LINGO2: variants seen among roughly 807,000 people sequenced by gnomAD.
LINGO2 encodes leucine rich repeat and Ig domain containing 2, also known as leucine-rich repeat and immunoglobulin-like domain-containing nogo receptor-interacting protein 2.
A neutral mutation model predicts 30.6 loss-of-function variants in LINGO2; 14 were observed. That is an observed-to-expected ratio of 0.46 (90% CI 0.30 to 0.72). The LOEUF (loss-of-function observed/expected upper bound fraction) is 0.72. Among genes scored for constraint, LINGO2 ranks in the 30% least tolerant of loss-of-function variants. LINGO2 has a pLI of 0.07. For missense variants in LINGO2, 729 were observed against 751.7 expected (o/e 0.97, Z 0.35); for synonymous variants, 317 against 288.5 (o/e 1.10, Z -1.00).
In LINGO2 at chr9:28,050,041, A is replaced by G. The variant is rs1233543265; in HGVS notation, c.-86-37636T>C. On this transcript the variant is annotated intron_variant, in intron 4 of 5. Coordinates refer to ENST00000379992, the Ensembl canonical transcript of LINGO2. ...CTGAAGCAGGAATGGAAATGAGGAA[A>G]TGGTTGGAGAAATATTCATCAGGTA... Among the ~76,000 whole-genome samples the G allele has an allele frequency of 2.0e-5, 3 of 150,694 alleles. 1 individual carries two copies. Among genetic ancestry groups the G allele is most frequent in the Non-Finnish European group, 1.5e-5 (1 of 67,858 alleles).
chr9:28,109,604 G>A (rs1202702119), intron 4 of LINGO2, among the ~76,000 whole-genome samples: 1 of 152,028 alleles, frequency 6.6e-6, no homozygotes, highest in Admixed American at 6.6e-5. Flanking sequence ...ACCAACAATG[G>A]ACAAGCAGAG....
At chr9:28,976,313 T>C in the LINGO2 span, among the ~76,000 whole-genome samples, 1 of 152,160 alleles carries the variant, frequency 6.6e-6, no homozygotes, top group Admixed American at 6.6e-5. Flanking sequence ...GCTATACTTT[T>C]CTCTTTGTGC....
chr9:28,102,207 T>C (rs970847784), intron 4 of LINGO2, among the ~76,000 whole-genome samples: 3 of 151,356 alleles, frequency 2.0e-5, no homozygotes, highest in Admixed American at 6.6e-5. Context: ...ATATTTCTGG[T>C]GGGACTATGG....
intron 3 of LINGO2, among the ~76,000 whole-genome samples, chr9:28,361,561 C>A (rs1167228452): frequency 6.6e-6 from 1 of 151,960 alleles, no homozygotes; most frequent in Non-Finnish European, 1.5e-5. Context: ...CCAGATCACA[C>A]AATTCCCTAA....
chr9:28,325,208 T>C (rs902920059), intron 3 of LINGO2, among the ~76,000 whole-genome samples: 4 of 152,234 alleles, frequency 2.6e-5, no homozygotes, highest in South Asian at 2.1e-4. Flanking sequence ...CCTTAGGGCA[T>C]TTATATTAGA....
intron 4 of LINGO2, among the ~76,000 whole-genome samples, chr9:28,024,633 C>A (rs942780037): frequency 1.3e-5 from 2 of 152,102 alleles, no homozygotes; most frequent in African/African-American, 4.8e-5. Context: ...CCTCCAACTG[C>A]CTTATGCTTG....
At chr9:28,612,206 C>T (rs1171835335) in intron 1 of LINGO2, among the ~76,000 whole-genome samples, 1 of 152,092 alleles carries the variant, frequency 6.6e-6, no homozygotes, top group Non-Finnish European at 1.5e-5. Flanking sequence ...AGACTACAGG[C>T]TTGTGTTACC....
chr9:28,300,254 T>C (rs1048469789), intron 3 of LINGO2, among the ~76,000 whole-genome samples: 3 of 152,120 alleles, frequency 2.0e-5, no homozygotes, highest in Admixed American at 2.0e-4. Context: ...TATGTGTAGC[T>C]ACATTATTAG....
At chr9:28,995,091 A>C in the LINGO2 span, among the ~76,000 whole-genome samples, 52 of 151,996 alleles carry the variant, frequency 3.4e-4, no homozygotes, top group South Asian at 6.2e-4. Flanking sequence ...CAACCTACAA[A>C]ATGGGAGAAA....
At chr9:28,723,937 C>G in the LINGO2 span, among the ~76,000 whole-genome samples, 1 of 151,974 alleles carries the variant, frequency 6.6e-6, no homozygotes, top group Non-Finnish European at 1.5e-5. Flanking sequence ...AAAAAATTAA[C>G]AAGATGAGCT....
At chr9:28,119,678 T>C (rs938182775) in intron 4 of LINGO2, among the ~76,000 whole-genome samples, 5 of 152,176 alleles carry the variant, frequency 3.3e-5, no homozygotes, top group Non-Finnish European at 5.9e-5. Flanking sequence ...TCCAGATTTA[T>C]AATTTTAGAG....
At chr9:29,180,355 G>A in the LINGO2 span, among the ~76,000 whole-genome samples, 125 of 152,246 alleles carry the variant, frequency 8.2e-4, no homozygotes, top group African/African-American at 2.7e-3. Context: ...AGTTTCCCAC[G>A]TTATACATGC....
the LINGO2 span, among the ~76,000 whole-genome samples, chr9:28,683,854 A>T: frequency 6.6e-6 from 1 of 152,182 alleles, no homozygotes. Flanking sequence ...GTAGATGCTC[A>T]TTAGATATTA....
intron 2 of LINGO2, among the ~76,000 whole-genome samples, chr9:28,425,107 A>G (rs1485877812): frequency 6.6e-6 from 1 of 151,628 alleles, no homozygotes; most frequent in Non-Finnish European, 1.5e-5. Context: ...TACATAATTA[A>G]TACATAATTT....
intron 4 of LINGO2, among the ~76,000 whole-genome samples, chr9:28,294,910 G>T (rs1823868981): frequency 6.6e-6 from 1 of 152,118 alleles, no homozygotes; most frequent in South Asian, 2.1e-4. Flanking sequence ...AACTGTTTAT[G>T]CCATTAGAGT....
chr9:29,025,969 T>A, the LINGO2 span, among the ~76,000 whole-genome samples: 1 of 152,108 alleles, frequency 6.6e-6, no homozygotes, highest in Non-Finnish European at 1.5e-5. Flanking sequence ...TATGACAGGA[T>A]TTTACTCTTT....
the LINGO2 span, among the ~76,000 whole-genome samples, chr9:28,959,304 G>T: frequency 6.6e-6 from 1 of 152,016 alleles, no homozygotes; most frequent in African/African-American, 2.4e-5. Flanking sequence ...ATAGTCTATT[G>T]TCTCATAAGA....
intron 1 of LINGO2, among the ~76,000 whole-genome samples, chr9:28,648,843 A>T (rs940938440): frequency 2.6e-5 from 4 of 152,172 alleles, no homozygotes; most frequent in Non-Finnish European, 5.9e-5. Flanking sequence ...AGGATCTACC[A>T]GAATGTACCT....
At chr9:28,516,718 T>C (rs192097048) in intron 1 of LINGO2, among the ~76,000 whole-genome samples, 2 of 152,302 alleles carry the variant, frequency 1.3e-5, no homozygotes, top group African/African-American at 4.8e-5. Context: ...ACTGACACTG[T>C]TGCTGTTGTT....
Sources: allele counts gnomAD v4.1 joint callset (sites outside exome capture counted in the v4.1 genomes callset), GRCh38; gene constraint gnomAD v4.1.1; transcripts MANE v1.5; gene names NCBI Gene and HGNC (gene_info 2026-07-23, HGNC 2026-07-21).